Variants in BLM observed in about 807,000 individuals in gnomAD.
The protein encoded by BLM is recQ-like DNA helicase BLM.
BLM carries 95 observed loss-of-function variants against 135.3 expected under a neutral mutation model. That is an observed-to-expected ratio of 0.70 (90% CI 0.59 to 0.83). The LOEUF (loss-of-function observed/expected upper bound fraction) is 0.83, where lower values mean the gene tolerates loss of function less well. Ranked by LOEUF, BLM falls within the 40% of genes least tolerant of loss-of-function variation. The pLI is 0.00. For missense variants in BLM, 1,518 were observed against 1,663.9 expected (o/e 0.91, Z 1.53); for synonymous variants, 520 against 589.2 (o/e 0.88, Z 1.70).
At chr15:90,809,368 A>G (rs1897355239) in intron 20 of BLM, 109 bp downstream of exon 20, 1 of 1,558,850 alleles carries the variant, frequency 6.4e-7, no homozygotes, top group Non-Finnish European at 8.8e-7. Context: ...ACCTCGTCAC[A>G]CTGACATCCA....
chr15:90,748,987 G>A (rs762123273), intron 2 of BLM, among the ~76,000 whole-genome samples: 35 of 152,014 alleles, frequency 2.3e-4, no homozygotes, highest in Non-Finnish European at 3.8e-4. Context: ...TCGAACTCCT[G>A]ACCTCAAGCA....
chr15:90,787,089 G>C (rs1448730667), intron 14 of BLM, among the ~76,000 whole-genome samples: 1 of 103,890 alleles, frequency 9.6e-6, no homozygotes, highest in Non-Finnish European at 1.7e-5. Context: ...TCACTCTGTC[G>C]CCCAGGCTGG....
At chr15:90,722,902 G>A (rs1894805776) in intron 1 of BLM, among the ~76,000 whole-genome samples, 3 of 152,124 alleles carry the variant, frequency 2.0e-5, no homozygotes, top group Non-Finnish European at 2.9e-5. Flanking sequence ...GTGCAGTGGC[G>A]CGATCTCGGC....
intron 12 of BLM, among the ~76,000 whole-genome samples, chr15:90,777,914 G>A (rs923934550): frequency 1.3e-5 from 2 of 152,176 alleles, no homozygotes; most frequent in Non-Finnish European, 1.5e-5. Flanking sequence ...CCATGTTGTA[G>A]CATTGGTCAG....
rs572154265 is a variant in BLM, at chr15:90,760,357, T to C, written c.1220+78T>C. On this transcript the variant is annotated intron_variant, in intron 6 of 21. Transcript: ENST00000355112. ...TAAGTGAAAAATGGACAGGGCAAAA[T>C]GTTCAGGCTTTCTGGCCTGGAAATG... 49 of 1,578,690 alleles carry C rather than the reference T, an allele frequency of 3.1e-5. No homozygotes were observed. The South Asian group carries it at 5.3e-4, about 17-fold the overall frequency.
chr15:90,802,708 C>G (rs2151193563), intron 17 of BLM, among the ~76,000 whole-genome samples: 1 of 152,050 alleles, frequency 6.6e-6, no homozygotes, highest in East Asian at 1.9e-4. Context: ...TGTGAGAAGC[C>G]AGGGTGGGAG....
chr15:90,768,960 G>T (rs907760137), intron 10 of BLM, among the ~76,000 whole-genome samples, 173 bp from the exon 11 acceptor site: 1 of 152,070 alleles, frequency 6.6e-6, no homozygotes, highest in Non-Finnish European at 1.5e-5. Context: ...TCCCGACCTC[G>T]GATGATCCAC....
At chr15:90,720,989 T>C (rs1567220042) in intron 1 of BLM, among the ~76,000 whole-genome samples, 1 of 152,042 alleles carries the variant, frequency 6.6e-6, no homozygotes, top group Non-Finnish European at 1.5e-5. Context: ...GCCTGGGAGT[T>C]CAAGACCAGC....
At chr15:90,771,995 G>A (rs1896333286) in intron 12 of BLM, among the ~76,000 whole-genome samples, 1 of 152,244 alleles carries the variant, frequency 6.6e-6, no homozygotes, top group South Asian at 2.1e-4. Flanking sequence ...TACATAATTG[G>A]CACTCAGTAA....
intron 12 of BLM, among the ~76,000 whole-genome samples, chr15:90,781,544 T>C (rs1435267597): frequency 6.6e-6 from 1 of 152,148 alleles, no homozygotes; most frequent in Non-Finnish European, 1.5e-5. Context: ...GAGAATTGCT[T>C]GAACCCAGGA....
chr15:90,734,779 G>A lies in BLM; in HGVS notation c.-4-12610G>A, dbSNP rs554461441. 5.9e-4 allele frequency among the ~76,000 whole-genome samples: 89 copies of A among 151,780 alleles called. 1 individual carries two copies. Among genetic ancestry groups the A allele is most frequent in the African/African-American group, 2.1e-3 (86 of 41,358 alleles). ...TTTTATCTAATAGGAAAATACTAGA[G>A]GCATTTTTACTAAGATTGAGAAAAA... is the stretch of plus-strand genomic sequence containing the variant. On this transcript the variant is annotated intron_variant, in intron 1 of 21. Transcript: ENST00000355112.
chr15:90,810,095 C>G (rs1395113779), intron 20 of BLM, among the ~76,000 whole-genome samples: 1 of 141,854 alleles, frequency 7.0e-6, no homozygotes, highest in Non-Finnish European at 1.5e-5. Flanking sequence ...TTGACAGAGT[C>G]TCACTCCAGG....
intron 17 of BLM, 37 bp downstream of exon 17, chr15:90,798,374 T>C (rs752884091): frequency 2.5e-6 from 4 of 1,600,180 alleles, no homozygotes; most frequent in South Asian, 2.2e-5. Flanking sequence ...GTTACTTCAA[T>C]TGAAATTGAA....
chr15:90,784,852 T>C, intron 13 of BLM, 69 bp from the exon 14 acceptor site: 1 of 1,496,064 alleles, frequency 6.7e-7, no homozygotes, highest in Non-Finnish European at 9.2e-7. Flanking sequence ...TTTCTGAAAA[T>C]GTAGTGTAAA....
In BLM at chr15:90,810,227, A is replaced by T. The variant is rs149236480; in HGVS notation, c.3874+968A>T. 6.3e-4 allele frequency among the ~76,000 whole-genome samples: 95 copies of T among 151,704 alleles called. 2 individuals are homozygous for T. The East Asian group carries it at 0.018, about 29-fold the overall frequency. On this transcript the variant is annotated intron_variant, in intron 20 of 21. Coordinates refer to ENST00000355112, the MANE Select transcript of BLM (RefSeq NM_000057.4). Reference sequence around the variant, plus strand: ...ACCACCACACCTGACTTATTTTTGTATTTTTTTGGTAGAGTTGGGGTTTCA... The same window carrying T: ...ACCACCACACCTGACTTATTTTTGTTTTTTTTTGGTAGAGTTGGGGTTTCA...
intron 9 of BLM, 94 bp downstream of exon 9, chr15:90,765,508 A>G: frequency 9.5e-7 from 1 of 1,051,362 alleles, no homozygotes; most frequent in Non-Finnish European, 1.4e-6. Flanking sequence ...CGTGATTTGT[A>G]AAAAATAAAG....
chr15:90,733,739 A>C (rs1384928381), intron 1 of BLM, among the ~76,000 whole-genome samples: 2 of 152,292 alleles, frequency 1.3e-5, no homozygotes, highest in Non-Finnish European at 2.9e-5. Flanking sequence ...TAATTCAGTT[A>C]ATGAACATAT....
chr15:90,797,608 G>A lies in BLM; in HGVS notation c.3211-582G>A, dbSNP rs1897060722. 2.0e-5 allele frequency among the ~76,000 whole-genome samples: 3 copies of A among 152,212 alleles called. No individual in the cohort carries two copies. In the South Asian group the frequency reaches 6.2e-4, roughly 32 times the overall value. On this transcript the variant is annotated intron_variant, in intron 16 of 21. Coordinates refer to ENST00000355112, the MANE Select transcript of BLM (RefSeq NM_000057.4). ...GAAGGTAGGGAGGGCTGCATACACA[G>A]AAGCACCAAGCATGATGCAGCTTTT...
intron 1 of BLM, among the ~76,000 whole-genome samples, chr15:90,722,132 C>CA (rs1274507335): frequency 6.6e-6 from 1 of 151,338 alleles, no homozygotes; most frequent in African/African-American, 2.4e-5. Flanking sequence ...TTTTTTGAGA[C>CA]AGAGTCTCAC....
Sources: gnomAD v4.1 joint callset for allele counts (sites outside exome capture counted in the v4.1 genomes callset) on GRCh38, gnomAD v4.1.1 for gene constraint, MANE v1.5 for transcripts, NCBI Gene and HGNC (gene_info 2026-07-23, HGNC 2026-07-21) for gene names.